The following TMEM178B variants were observed in gnomAD, a reference collection of about 807,000 sequenced individuals.
The protein encoded by TMEM178B is transmembrane protein 178B.
In TMEM178B, 5 loss-of-function variants were observed where a neutral mutation model predicts 31.0. The observed-to-expected ratio is 0.16, with a 90% CI of 0.08 to 0.34. The LOEUF is 0.34. TMEM178B is among the 10% of genes least tolerant of loss of function. The pLI is 1.00. For missense variants in TMEM178B, 275 were observed against 400.3 expected (o/e 0.69, Z 2.67); for synonymous variants, 164 against 164.0 (o/e 1.00, Z 0.00).
At chr7:141,493,797 T>C in the TMEM178B span, among the ~76,000 whole-genome samples, 5 of 151,878 alleles carry the variant, frequency 3.3e-5, no homozygotes, top group Admixed American at 6.5e-5. Context: ...CCTGGTCTTC[T>C]AGATTTTGAT....
intron 1 of TMEM178B, among the ~76,000 whole-genome samples, chr7:141,132,717 A>G (rs1795613435): frequency 6.6e-6 from 1 of 151,990 alleles, no homozygotes; most frequent in African/African-American, 2.4e-5. Flanking sequence ...ACCCTCCTAC[A>G]CACCCAAGCC....
At chr7:141,431,083 A>T (rs1801418418) in intron 2 of TMEM178B, 4 of 152,078 alleles carry the variant, frequency 2.6e-5, no homozygotes, top group African/African-American at 9.7e-5. Flanking sequence ...GGGGCCATGA[A>T]TCCAGCGGTA....
intron 2 of TMEM178B, among the ~76,000 whole-genome samples, chr7:141,272,181 A>T (rs1432495009): frequency 6.6e-6 from 1 of 152,154 alleles, no homozygotes; most frequent in Admixed American, 6.5e-5. Flanking sequence ...ACATTTTCTG[A>T]GGGCAATTCC....
intron 1 of TMEM178B, among the ~76,000 whole-genome samples, chr7:141,194,837 C>T (rs1796756161): frequency 6.6e-6 from 1 of 152,252 alleles, no homozygotes; most frequent in African/African-American, 2.4e-5. Flanking sequence ...TTCCACACAT[C>T]TTCTGAAGTC....
At chr7:141,185,929 G>T (rs1026299440) in intron 1 of TMEM178B, among the ~76,000 whole-genome samples, 2 of 152,104 alleles carry the variant, frequency 1.3e-5, no homozygotes, top group Admixed American at 1.3e-4. Context: ...GCAGATCTCT[G>T]TAGATGAACT....
intron 2 of TMEM178B, among the ~76,000 whole-genome samples, chr7:141,295,814 A>G (rs1367148317): frequency 6.6e-6 from 1 of 152,174 alleles, no homozygotes; most frequent in African/African-American, 2.4e-5. Flanking sequence ...CAGAGAGGGA[A>G]TACAAGCACA....
At chr7:141,327,301 TA>T (rs1799209562) in intron 2 of TMEM178B, among the ~76,000 whole-genome samples, 1 of 152,266 alleles carries the variant, frequency 6.6e-6, no homozygotes, top group Admixed American at 6.5e-5. Context: ...AATCTGTTTT[TA>T]AAAAAATTAA....
chr7:141,298,404 A>T (rs1438362663), intron 2 of TMEM178B, among the ~76,000 whole-genome samples: 2 of 152,024 alleles, frequency 1.3e-5, no homozygotes, highest in African/African-American at 4.8e-5. Context: ...GCTAAAACAT[A>T]CTCCTGTCCT....
chr7:141,286,049 A>G (rs1326518045), intron 2 of TMEM178B, among the ~76,000 whole-genome samples: 3 of 152,144 alleles, frequency 2.0e-5, no homozygotes, highest in African/African-American at 7.2e-5. Flanking sequence ...TATGTAACAA[A>G]CCTGCACGTT....
At position 141,308,220 on chromosome 7, in the gene TMEM178B, T is replaced by C. The variant is rs564556186; in HGVS notation, c.496+95516T>C. ...CCAAACTCTTACCATCTGCCTACTA[T>C]GAAGTGGAACTCCAGCTGAAAGAGA... On this transcript the variant is annotated intron_variant, in intron 2 of 3. Transcript: ENST00000565468. Among the ~76,000 whole-genome samples, 92 of 152,300 alleles carry C rather than the reference T, an allele frequency of 6.0e-4. 1 individual carries two copies. In the South Asian group the frequency reaches 0.019, roughly 31 times the overall value.
At chr7:141,162,306 C>G (rs913975076) in intron 1 of TMEM178B, among the ~76,000 whole-genome samples, 1 of 152,242 alleles carries the variant, frequency 6.6e-6, no homozygotes, top group East Asian at 1.9e-4. Flanking sequence ...CCTCAGCTGT[C>G]CCTGGGCTCT....
intron 3 of TMEM178B, among the ~76,000 whole-genome samples, chr7:141,441,179 C>CT (rs1801650149): frequency 6.6e-6 from 1 of 152,216 alleles, no homozygotes; most frequent in African/African-American, 2.4e-5. Flanking sequence ...CACTTCCCGC[C>CT]TCTTTGCTCA....
At chr7:141,423,311 G>A (rs931218854) in intron 2 of TMEM178B, among the ~76,000 whole-genome samples, 1 of 152,244 alleles carries the variant, frequency 6.6e-6, no homozygotes, top group Non-Finnish European at 1.5e-5. Context: ...TTACAGGCGT[G>A]AGCCACCATG....
chr7:141,091,506 T>A (rs7778658), intron 1 of TMEM178B, among the ~76,000 whole-genome samples: 35,041 of 151,992 alleles, frequency 0.23, 5,298 homozygotes, highest in African/African-American at 0.43. Context: ...CAGCTTTTAT[T>A]ACACATATCT....
chr7:141,127,244 A>G (rs1586784642), intron 1 of TMEM178B, among the ~76,000 whole-genome samples: 1 of 152,162 alleles, frequency 6.6e-6, no homozygotes, highest in African/African-American at 2.4e-5. Context: ...GAGTTTTTAA[A>G]AAGAATATTT....
intron 2 of TMEM178B, among the ~76,000 whole-genome samples, chr7:141,334,375 A>T (rs771941995): frequency 2.0e-5 from 3 of 152,206 alleles, no homozygotes; most frequent in Non-Finnish European, 4.4e-5. Flanking sequence ...CAGCTTAGAA[A>T]TGAAGTATAT....
chr7:141,097,484 T>C lies in TMEM178B; in HGVS notation c.382+22792T>C, dbSNP rs562254275. ...AAGATTTGAAGAAATAAAGAATAAA[T>C]TCAGTACTTTTTTCCCTCTCAAAAA... On this transcript the variant is annotated intron_variant, in intron 1 of 3. Transcript: ENST00000565468. Among the ~76,000 whole-genome samples, 8 of 151,918 alleles carry C rather than the reference T, an allele frequency of 5.3e-5. No individual in the cohort carries two copies. The East Asian group carries it at 1.5e-3, about 29-fold the overall frequency.
chr7:141,349,133 T>C (rs755287831), intron 2 of TMEM178B, among the ~76,000 whole-genome samples: 1 of 152,250 alleles, frequency 6.6e-6, no homozygotes, highest in Admixed American at 6.5e-5. Context: ...AAATAAACAA[T>C]CCAGCTTCTT....
At chr7:141,370,548 G>C (rs1800097901) in intron 2 of TMEM178B, among the ~76,000 whole-genome samples, 1 of 152,148 alleles carries the variant, frequency 6.6e-6, no homozygotes, top group Non-Finnish European at 1.5e-5. Context: ...GACTTTTATT[G>C]GTGCTCAGAA....
Sources: gnomAD v4.1 joint callset for allele counts (sites outside exome capture counted in the v4.1 genomes callset) on GRCh38, gnomAD v4.1.1 for gene constraint, MANE v1.5 for transcripts, NCBI Gene and HGNC (gene_info 2026-07-23, HGNC 2026-07-21) for gene names.